The following HSD17B12 variants were observed in gnomAD, a reference collection of about 807,000 sequenced individuals.
The protein encoded by HSD17B12 is very-long-chain 3-oxoacyl-CoA reductase.
In HSD17B12, 32 loss-of-function variants were observed where a neutral mutation model predicts 39.3. The ratio of observed to expected loss-of-function variants is 0.81; its 90% CI spans 0.61 to 1.09. The LOEUF (loss-of-function observed/expected upper bound fraction) is 1.09. Ranked by LOEUF, HSD17B12 falls within the 50% of genes least tolerant of loss-of-function variation. The probability of loss-of-function intolerance (pLI) is 0.00; values close to 1 mark genes in which losing one functional copy is unlikely to be tolerated. For missense variants in HSD17B12, 342 were observed against 382.9 expected (o/e 0.89, Z 0.89); for synonymous variants, 150 against 146.7 (o/e 1.02, Z -0.16).
At chr11:43,779,529 G>A (rs1169802006) in intron 3 of HSD17B12, among the ~76,000 whole-genome samples, 3 of 152,156 alleles carry the variant, frequency 2.0e-5, no homozygotes, top group Non-Finnish European at 4.4e-5. Context: ...GTCTTCCTCT[G>A]TGAATCTTTG....
chr11:43,815,638 G>C (rs965429244), intron 5 of HSD17B12, 137 bp downstream of exon 5: 3 of 504,176 alleles, frequency 6.0e-6, no homozygotes, highest in Non-Finnish European at 1.1e-5. Flanking sequence ...GAGTTCCCTG[G>C]GTATGGGCCT....
At chr11:43,650,527 G>A in the HSD17B12 span, among the ~76,000 whole-genome samples, 1 of 152,092 alleles carries the variant, frequency 6.6e-6, no homozygotes, top group Non-Finnish European at 1.5e-5. Flanking sequence ...AATATAGAGT[G>A]GTGGAGCCGT....
intron 3 of HSD17B12, among the ~76,000 whole-genome samples, chr11:43,763,099 G>T (rs949877559): frequency 6.6e-6 from 1 of 152,082 alleles, no homozygotes; most frequent in East Asian, 1.9e-4. Context: ...TAATCAAGAA[G>T]CACTGAAGAT....
chr11:43,723,969 T>G (rs1406555596), intron 1 of HSD17B12: 1 of 152,178 alleles, frequency 6.6e-6, no homozygotes, highest in Admixed American at 6.5e-5. Flanking sequence ...AGAATTTTTT[T>G]TTTTAATTTC....
intron 4 of HSD17B12, among the ~76,000 whole-genome samples, chr11:43,802,914 T>A (rs1182111294): frequency 6.6e-6 from 1 of 152,212 alleles, no homozygotes; most frequent in Non-Finnish European, 1.5e-5. Flanking sequence ...ATAAAAATCA[T>A]TATAGCTAAT....
At chr11:43,802,814 A>T (rs1395291837) in intron 4 of HSD17B12, among the ~76,000 whole-genome samples, 2 of 152,216 alleles carry the variant, frequency 1.3e-5, no homozygotes, top group Non-Finnish European at 2.9e-5. Flanking sequence ...GCTGAGGTTG[A>T]TAAACCCTGC....
intron 1 of HSD17B12, among the ~76,000 whole-genome samples, chr11:43,724,703 A>G (rs1590695886): frequency 6.6e-6 from 1 of 152,094 alleles, no homozygotes. Context: ...TCGTGATCCA[A>G]CCATCCACAA....
chr11:43,578,166 T>G, the HSD17B12 span, among the ~76,000 whole-genome samples: 2 of 152,176 alleles, frequency 1.3e-5, no homozygotes, highest in Admixed American at 6.5e-5. Context: ...AGGTCTGCAG[T>G]AAGATTTGTG....
the HSD17B12 span, among the ~76,000 whole-genome samples, chr11:43,597,785 C>T: frequency 6.6e-6 from 1 of 152,280 alleles, no homozygotes; most frequent in African/African-American, 2.4e-5. Flanking sequence ...CAGGCACGTG[C>T]CACCACAACC....
At position 43,855,914 on chromosome 11, in the gene HSD17B12, C is replaced by T. The variant is rs1951578886; in HGVS notation, c.*666C>T. The T allele has an allele frequency of 2.9e-5, 2 of 69,966 alleles. No individual in the cohort carries two copies. Among genetic ancestry groups the T allele is most frequent in the Non-Finnish European group, 5.6e-5 (2 of 35,486 alleles). 4.3% of individuals were successfully genotyped at this position (69,966 alleles called of 1,614,324 possible). A position where few individuals can be genotyped will look rare whatever the true frequency, so the allele number is the denominator to read the frequency against. ...TCTCAGTTTAAATGTATGTAAATATCGAAGCTATATGGTATGATTTATAAA... is the reference window on the plus strand; with the variant it reads ...TCTCAGTTTAAATGTATGTAAATATTGAAGCTATATGGTATGATTTATAAA... On this transcript the variant is annotated 3_prime_UTR_variant, in exon 11 of 11. Coordinates refer to ENST00000278353, the MANE Select transcript of HSD17B12 (RefSeq NM_016142.3).
At chr11:43,659,954 A>C in the HSD17B12 span, among the ~76,000 whole-genome samples, 4 of 152,100 alleles carry the variant, frequency 2.6e-5, no homozygotes. Flanking sequence ...CTAGATTTTC[A>C]GCACTTTAGA....
At chr11:43,825,094 G>A (rs1284821409) in intron 6 of HSD17B12, among the ~76,000 whole-genome samples, 1 of 151,798 alleles carries the variant, frequency 6.6e-6, no homozygotes, top group Non-Finnish European at 1.5e-5. Context: ...TCGTGCCACT[G>A]GACTCCAGCC....
intron 3 of HSD17B12, among the ~76,000 whole-genome samples, chr11:43,791,125 T>C (rs1172503855): frequency 6.6e-6 from 1 of 152,250 alleles, no homozygotes; most frequent in Non-Finnish European, 1.5e-5. Context: ...AGCAACCAGT[T>C]GAGTTGGCAC....
chr11:43,785,647 A>C (rs556482007), intron 3 of HSD17B12, among the ~76,000 whole-genome samples: 1 of 152,350 alleles, frequency 6.6e-6, no homozygotes, highest in African/African-American at 2.4e-5. Context: ...AAGCTATTTT[A>C]ATAGCTTCTT....
chr11:43,570,860 G>C, the HSD17B12 span, among the ~76,000 whole-genome samples: 1 of 152,094 alleles, frequency 6.6e-6, no homozygotes, highest in Non-Finnish European at 1.5e-5. Context: ...GAAGATACCA[G>C]GTTTTCAAAT....
chr11:43,579,569 G>A, the HSD17B12 span: 1 of 152,244 alleles, frequency 6.6e-6, no homozygotes, highest in African/African-American at 2.4e-5. Flanking sequence ...TCGGCTCACT[G>A]GTAGTCGGTC....
chr11:43,660,633 G>C, the HSD17B12 span, among the ~76,000 whole-genome samples: 1 of 152,168 alleles, frequency 6.6e-6, no homozygotes, highest in African/African-American at 2.4e-5. Context: ...GTTTCTTCTA[G>C]AATTAAATAT....
At chr11:43,706,595 T>G (rs917887787) in intron 1 of HSD17B12, among the ~76,000 whole-genome samples, 1 of 151,914 alleles carries the variant, frequency 6.6e-6, no homozygotes, top group African/African-American at 2.4e-5. Flanking sequence ...CACTATTGCT[T>G]GGGGTTTAAG....
chr11:43,842,865 G>T (rs1016541146), intron 9 of HSD17B12, among the ~76,000 whole-genome samples: 1 of 152,204 alleles, frequency 6.6e-6, no homozygotes, highest in Non-Finnish European at 1.5e-5. Flanking sequence ...ATTAGGCCTT[G>T]TGAACAGACA....
Sources: gnomAD v4.1 joint callset for allele counts (sites outside exome capture counted in the v4.1 genomes callset) on GRCh38, gnomAD v4.1.1 for gene constraint, MANE v1.5 for transcripts, NCBI Gene and HGNC (gene_info 2026-07-23, HGNC 2026-07-21) for gene names.